Variants in MGAT5B observed in about 807,000 individuals in gnomAD.
MGAT5B encodes alpha-1,6-mannosylglycoprotein 6-beta-N-acetylglucosaminyltransferase B.
Under a neutral mutation model 95.1 loss-of-function variants are expected in MGAT5B, and 54 were observed. The ratio of observed to expected loss-of-function variants is 0.57; its 90% CI spans 0.46 to 0.71. The LOEUF (loss-of-function observed/expected upper bound fraction) is 0.71. Among genes scored for constraint, MGAT5B ranks in the 30% least tolerant of loss-of-function variants. MGAT5B has a pLI of 0.00. For synonymous variants in MGAT5B, 464 were observed against 451.0 expected (o/e 1.03, Z -0.36); for missense variants, 935 against 1,088.6 (o/e 0.86, Z 1.99).
chr17:76,935,816 A>AC (rs1357429796), intron 12 of MGAT5B, among the ~76,000 whole-genome samples: 2 of 140,698 alleles, frequency 1.4e-5, no homozygotes, highest in African/African-American at 2.6e-5. Context: ...TATATTATAT[A>AC]ATTATATATA....
intron 16 of MGAT5B, 126 bp downstream of exon 16, chr17:76,946,576 C>T (rs962396324): frequency 1.3e-6 from 1 of 783,068 alleles, no homozygotes; most frequent in Non-Finnish European, 1.9e-6. Context: ...CCTCCTCCAG[C>T]CTGTCCAGTC....
Position 76,940,947 on chromosome 17 carries a change from T to A in MGAT5B, c.1848+99T>A. ...TGCCCCCCTCTGGGTGAGTTCAGAC[T>A]TGCAGGCCTGGGTTGGCAAAGGTGT... is the stretch of plus-strand genomic sequence containing the variant. On this transcript the variant is annotated intron_variant, in intron 15 of 17. Coordinates refer to ENST00000569840, the MANE Select transcript of MGAT5B (RefSeq NM_001199172.2). The surrounding 1 kb of genome is among the most constrained non-coding windows in gnomAD (Gnocchi z 4.3). 1 of 1,001,720 alleles carries A rather than the reference T, an allele frequency of 1.0e-6. No individual in the cohort carries two copies. Among genetic ancestry groups the A allele is most frequent in the Non-Finnish European group, 1.5e-6 (1 of 662,826 alleles). 62.1% of individuals were successfully genotyped at this position (1,001,720 alleles called of 1,614,324 possible).
intron 5 of MGAT5B, among the ~76,000 whole-genome samples, chr17:76,903,943 G>GGGGACCAGAGGGAGAGGGAGACA (rs1968419832): frequency 6.6e-6 from 1 of 152,212 alleles, no homozygotes; most frequent in Non-Finnish European, 1.5e-5. Context: ...GCAGGGAGAC[G>GGGGACCAGAGGGAGAGGGAGACA]GGGACCAGAG....
At chr17:76,931,923 A>G (rs930480506) in intron 10 of MGAT5B, among the ~76,000 whole-genome samples, 4 of 152,134 alleles carry the variant, frequency 2.6e-5, no homozygotes, top group East Asian at 3.9e-4. Context: ...CAGAGTCCCT[A>G]CTGGTCACCC....
At chr17:76,903,496 AGT>A (rs1968398105) in intron 5 of MGAT5B, 120 bp downstream of exon 5, 1 of 638,066 alleles carries the variant, frequency 1.6e-6, no homozygotes, top group Non-Finnish European at 2.6e-6. Context: ...TTCTCTGCTC[AGT>A]GCATCCACCC....
In MGAT5B at chr17:76,870,147, C is replaced by T. The variant is rs1167728967; in HGVS notation, c.68+1050C>T. Among the ~76,000 whole-genome samples, 2 of 152,178 alleles carry T rather than the reference C, an allele frequency of 1.3e-5. No individual in the cohort carries two copies. The highest frequency in any genetic ancestry group is 2.9e-5 in the Non-Finnish European group (2 of 68,016). ...CCCTGAACTCTTGCCCTCCAGGTCTCGGCCCAGCCCCACTGTGGTCCCCCT... is the reference window on the plus strand; with the variant it reads ...CCCTGAACTCTTGCCCTCCAGGTCTTGGCCCAGCCCCACTGTGGTCCCCCT... On this transcript the variant is annotated intron_variant, in intron 1 of 17. Transcript: ENST00000569840. This position sits in a 1 kb window ranked among gnomAD's most constrained non-coding sequence, Gnocchi z 5.0.
chr17:76,911,313 G>C (rs1374906709), intron 8 of MGAT5B, among the ~76,000 whole-genome samples: 2 of 152,244 alleles, frequency 1.3e-5, no homozygotes, highest in African/African-American at 4.8e-5. Context: ...TCTTCAGAAG[G>C]CCTTGTCTGT....
chr17:76,885,951 TA>T (rs10713550), intron 3 of MGAT5B, among the ~76,000 whole-genome samples: 73,437 of 151,904 alleles, frequency 0.48, 22,919 homozygotes, highest in African/African-American at 0.86. Flanking sequence ...TCCTGTGGCT[TA>T]AAAAAAACAC....
chr17:76,878,068 G>T (rs1967258606), intron 2 of MGAT5B, among the ~76,000 whole-genome samples: 1 of 152,288 alleles, frequency 6.6e-6, no homozygotes, highest in African/African-American at 2.4e-5. Context: ...GCCAAGAGTG[G>T]TGAAGTGACT....
chr17:76,935,990 G>A (rs531698709), intron 12 of MGAT5B, among the ~76,000 whole-genome samples: 4 of 145,452 alleles, frequency 2.8e-5, no homozygotes, highest in Admixed American at 1.4e-4. Context: ...ACAGAGAGAC[G>A]GGGTCTCATT....
chr17:76,887,426 TTTC>T (rs1312192054), intron 3 of MGAT5B, among the ~76,000 whole-genome samples: 1 of 143,972 alleles, frequency 6.9e-6, no homozygotes, highest in Non-Finnish European at 1.5e-5. Flanking sequence ...CGCTAGGGTC[TTTC>T]TTTCCCTCCC....
At chr17:76,933,416 G>T (rs188051925) in intron 12 of MGAT5B, 119 bp downstream of exon 12, 2 of 1,347,722 alleles carry the variant, frequency 1.5e-6, no homozygotes, top group Admixed American at 3.6e-5. Context: ...GGGGCTTGTG[G>T]CTCCTGTGGA....
chr17:76,888,816 G>T, intron 3 of MGAT5B, among the ~76,000 whole-genome samples: 1 of 152,160 alleles, frequency 6.6e-6, no homozygotes, highest in East Asian at 1.9e-4. Flanking sequence ...GGGCCGCGTT[G>T]GTGGTATAGT....
chr17:76,885,929 C>A (rs1187322692), intron 3 of MGAT5B, among the ~76,000 whole-genome samples: 1 of 142,820 alleles, frequency 7.0e-6, no homozygotes, highest in African/African-American at 2.9e-5. Context: ...TTGGATTCCC[C>A]ACTTAGAAAT....
At chr17:76,928,170 G>C (rs183164469) in intron 10 of MGAT5B, among the ~76,000 whole-genome samples, 19 of 152,274 alleles carry the variant, frequency 1.2e-4, no homozygotes, top group African/African-American at 4.1e-4. Flanking sequence ...CATGCAGCCT[G>C]AGGTCACACA....
intron 3 of MGAT5B, among the ~76,000 whole-genome samples, chr17:76,885,330 G>C (rs1329743526): frequency 6.6e-6 from 1 of 152,114 alleles, no homozygotes; most frequent in Non-Finnish European, 1.5e-5. Flanking sequence ...CTGCTTTCCT[G>C]TCTGCCTCCA....
chr17:76,944,835 C>T (rs909147343), intron 15 of MGAT5B, among the ~76,000 whole-genome samples: 8 of 152,192 alleles, frequency 5.3e-5, no homozygotes, highest in Non-Finnish European at 1.2e-4. Flanking sequence ...CCGAGCTTGG[C>T]GCAGTTGGAC....
rs1230158277 is a variant in MGAT5B at position 76,870,221 on chromosome 17, G to A, written c.68+1124G>A. On this transcript the variant is annotated intron_variant, in intron 1 of 17. Transcript: ENST00000569840. The surrounding 1 kb of genome is among the most constrained non-coding windows in gnomAD (Gnocchi z 5.0). The stretch of plus-strand genomic sequence containing the variant: ...GCGGGGAGACGGTGGCTCACCTGGA[G>A]CCCGCCTCCCAGCACACCGGGCCTG... Among the ~76,000 whole-genome samples, 2 of 152,192 alleles carry A rather than the reference G, an allele frequency of 1.3e-5. No individual in the cohort carries two copies. The highest frequency in any genetic ancestry group is 6.5e-5 in the Admixed American group (1 of 15,290).
chr17:76,911,148 G>A (rs1216121227), intron 8 of MGAT5B, among the ~76,000 whole-genome samples: 1 of 152,202 alleles, frequency 6.6e-6, no homozygotes, highest in Non-Finnish European at 1.5e-5. Context: ...TCTTCCATCT[G>A]GGGTGGGGGC....
Sources: allele counts gnomAD v4.1 joint callset (sites outside exome capture counted in the v4.1 genomes callset), GRCh38; gene constraint gnomAD v4.1.1; non-coding constraint Gnocchi (gnomAD v3.1); transcripts MANE v1.5; gene names NCBI Gene and HGNC (gene_info 2026-07-23, HGNC 2026-07-21).